The following FAM13B variants were observed in gnomAD, a reference collection of about 807,000 sequenced individuals.
FAM13B encodes the protein protein FAM13B.
In FAM13B, 60 loss-of-function variants were observed where a neutral mutation model predicts 117.3. That is an observed-to-expected ratio of 0.51 (90% CI 0.42 to 0.63). The LOEUF (loss-of-function observed/expected upper bound fraction) is 0.63. Ranked by LOEUF, FAM13B falls within the 30% of genes least tolerant of loss-of-function variation. The pLI is 0.00. For missense variants in FAM13B, 972 were observed against 1,091.9 expected, an observed-to-expected ratio of 0.89 and a Z score of 1.55; for synonymous variants, 332 against 356.1, an observed-to-expected ratio of 0.93 and a Z score of 0.76.
intron 10 of FAM13B, among the ~76,000 whole-genome samples, chr5:137,979,878 T>A (rs62381756): frequency 0.043 from 6,484 of 151,384 alleles, 204 homozygotes; most frequent in South Asian, 0.11. Context: ...AAAACTTAAA[T>A]CGACCAGGCA....
At chr5:137,970,107 G>T (rs1409734871) in intron 10 of FAM13B, among the ~76,000 whole-genome samples, 1 of 151,840 alleles carries the variant, frequency 6.6e-6, no homozygotes, top group Admixed American at 6.6e-5. Flanking sequence ...GAAATACAGA[G>T]AACGCCACAA....
In FAM13B at chr5:137,943,286, A is replaced by G. The variant is rs1224031439; in HGVS notation, c.2341-70T>C. The G allele has an allele frequency of 4.2e-6, 5 of 1,200,360 alleles. No homozygotes were observed. In the East Asian group the frequency reaches 7.1e-5, roughly 17 times the overall value. 74.4% of individuals were successfully genotyped at this position (1,200,360 alleles called of 1,614,324 possible). On this transcript the variant is annotated intron_variant, in intron 20 of 23. Transcript: ENST00000689681. ...AAAGTGTCCAGTGAAGCTTCCCTTC[A>G]TTATGTTACGAATCTTCAACTTTAT...
At position 138,007,150 on chromosome 5, in the gene FAM13B, A is replaced by G; in HGVS notation, c.691-3T>C. ...TCTTCCTCAGAAAGTTCATTAACCTATATAAATAAAAAGAAATTCAGAATT... is the reference window on the plus strand; with the variant it reads ...TCTTCCTCAGAAAGTTCATTAACCTGTATAAATAAAAAGAAATTCAGAATT... On this transcript the variant is annotated splice_polypyrimidine_tract_variant and splice_region_variant and intron_variant, in intron 6 of 23. Coordinates refer to ENST00000689681, the MANE Select transcript of FAM13B (RefSeq NM_001385994.1). 1 of 1,576,022 alleles carries G rather than the reference A, an allele frequency of 6.3e-7. No individual in the cohort carries two copies. The highest frequency in any genetic ancestry group is 8.6e-7 in the Non-Finnish European group (1 of 1,164,520).
intron 7 of FAM13B, among the ~76,000 whole-genome samples, chr5:138,000,688 TG>T (rs1350498856): frequency 6.6e-6 from 1 of 152,072 alleles, no homozygotes; most frequent in African/African-American, 2.4e-5. Flanking sequence ...CCCAACACTT[TG>T]GGAGGCCGAA....
At chr5:138,010,418 C>T (rs1244947421) in intron 6 of FAM13B, among the ~76,000 whole-genome samples, 2 of 152,040 alleles carry the variant, frequency 1.3e-5, no homozygotes, top group African/African-American at 2.4e-5. Context: ...CCAACCTGGG[C>T]GACATAAGAA....
chr5:138,041,754 T>C (rs1416468689), intron 1 of FAM13B, among the ~76,000 whole-genome samples: 10 of 150,298 alleles, frequency 6.7e-5, no homozygotes. Flanking sequence ...CTGGGCAACA[T>C]AGCAAGACCC....
At chr5:138,011,620 G>A (rs1362418183) in intron 5 of FAM13B, 148 bp downstream of exon 5, 10 of 530,914 alleles carry the variant, frequency 1.9e-5, no homozygotes, top group African/African-American at 6.0e-5. Context: ...GGGTTTCACC[G>A]TGTTAGCCAG....
Position 138,011,665 on chromosome 5 carries a change from G to A in FAM13B, c.548+103C>T, listed in dbSNP as rs374588320. On this transcript the variant is annotated intron_variant, in intron 5 of 23. Coordinates refer to ENST00000689681, the MANE Select transcript of FAM13B (RefSeq NM_001385994.1). ...AATCTCCTGACCTTGTGATCCGCCC[G>A]CATCAGCCTCCCAAAGTGCTGGGAT... 42 of 719,438 alleles carry A rather than the reference G, an allele frequency of 5.8e-5. 1 individual carries two copies. In the South Asian group the frequency reaches 6.6e-4, roughly 11 times the overall value. 44.6% of individuals were successfully genotyped at this position (719,438 alleles called of 1,614,324 possible).
chr5:137,968,041 G>A lies in FAM13B; in HGVS notation c.1180-5572C>T, dbSNP rs192102956. 3.0e-3 allele frequency among the ~76,000 whole-genome samples: 451 copies of A among 152,104 alleles called. 1 individual carries two copies. The highest frequency in any genetic ancestry group is 5.1e-3 in the Non-Finnish European group (344 of 68,000). On this transcript the variant is annotated intron_variant, in intron 10 of 23. Transcript: ENST00000689681. ...GTTCGAGACCAACCTGATCAACATG[G>A]TGAAACCCCGTCTCTACTAAAAATA...
intron 2 of FAM13B, among the ~76,000 whole-genome samples, chr5:138,019,623 G>C (rs1305488523): frequency 2.6e-5 from 4 of 152,094 alleles, no homozygotes; most frequent in Non-Finnish European, 5.9e-5. Context: ...ATAAATGATG[G>C]GCTAATAAGA....
In FAM13B at chr5:137,987,658, T is replaced by C. The variant is rs777432513; in HGVS notation, c.891-42A>G. The C allele has an allele frequency of 6.4e-6, 10 of 1,563,300 alleles. No individual in the cohort carries two copies. In the African/African-American group the frequency reaches 9.7e-5, roughly 15 times the overall value. The stretch of plus-strand genomic sequence containing the variant: ...TTTAGTAAGAAGCAGTCACTCTAAC[T>C]GGATATCTGGTGACACAGACATAAA... On this transcript the variant is annotated intron_variant, in intron 8 of 23. Coordinates refer to ENST00000689681, the MANE Select transcript of FAM13B (RefSeq NM_001385994.1).
intron 1 of FAM13B, among the ~76,000 whole-genome samples, chr5:138,023,126 C>T (rs1787224694): frequency 6.6e-6 from 1 of 152,172 alleles, no homozygotes; most frequent in South Asian, 2.1e-4. Context: ...TATCTCATCT[C>T]ATGACCTCTA....
chr5:137,944,371 C>T (rs1221002282), intron 20 of FAM13B, among the ~76,000 whole-genome samples: 1 of 152,184 alleles, frequency 6.6e-6, no homozygotes, highest in African/African-American at 2.4e-5. Context: ...ATCCACAGCA[C>T]TATTCACAAT....
At chr5:137,987,168 C>G (rs1279628041) in intron 9 of FAM13B, among the ~76,000 whole-genome samples, 1 of 151,956 alleles carries the variant, frequency 6.6e-6, no homozygotes, top group Non-Finnish European at 1.5e-5. Context: ...ATTTTTCATA[C>G]AACATAATTC....
intron 10 of FAM13B, among the ~76,000 whole-genome samples, chr5:137,975,994 T>TTTTTTTTTTTTTTG (rs1223359020): frequency 5.2e-4 from 78 of 149,906 alleles, no homozygotes; most frequent in Non-Finnish European, 8.7e-4. Context: ...TTTTTTTTTT[T>TTTTTTTTTTTTTTG]TGAGACAGTC....
intron 18 of FAM13B, 67 bp downstream of exon 18, chr5:137,948,888 T>C (rs1764151548): frequency 1.7e-6 from 2 of 1,211,478 alleles, no homozygotes; most frequent in African/African-American, 3.0e-5. Context: ...TCTACCCTGC[T>C]ATAGTAATTA....
At chr5:137,956,252 C>T (rs1766522973) in intron 14 of FAM13B, among the ~76,000 whole-genome samples, 1 of 152,172 alleles carries the variant, frequency 6.6e-6, no homozygotes, top group African/African-American at 2.4e-5. Context: ...TTCAAAGCAA[C>T]CCTTGTACCT....
intron 7 of FAM13B, among the ~76,000 whole-genome samples, chr5:137,998,319 A>C (rs2150735768): frequency 6.6e-6 from 1 of 152,342 alleles, no homozygotes; most frequent in East Asian, 1.9e-4. Flanking sequence ...CAGCCACTTG[A>C]AACTTTTTAA....
chr5:138,005,340 G>C (rs771591237), intron 7 of FAM13B, among the ~76,000 whole-genome samples: 33 of 152,132 alleles, frequency 2.2e-4, no homozygotes, highest in Non-Finnish European at 3.1e-4. Flanking sequence ...AGTGTAAACT[G>C]GGTCACGTCC....
Sources: gnomAD v4.1 joint callset for allele counts (sites outside exome capture counted in the v4.1 genomes callset) on GRCh38, gnomAD v4.1.1 for gene constraint, MANE v1.5 for transcripts, NCBI Gene and HGNC (gene_info 2026-07-23, HGNC 2026-07-21) for gene names.